Variants in EMP1 observed in about 807,000 individuals in gnomAD.
EMP1 encodes tumor-associated membrane protein.
Under a neutral mutation model 15.7 loss-of-function variants are expected in EMP1, and 5 were observed. That is an observed-to-expected ratio of 0.32 (90% CI 0.17 to 0.67). The LOEUF (loss-of-function observed/expected upper bound fraction) is 0.67, where lower values mean the gene tolerates loss of function less well. EMP1 is among the 30% of genes least tolerant of loss of function. The probability of loss-of-function intolerance (pLI) is 0.74; values close to 1 mark genes in which losing one functional copy is unlikely to be tolerated. For synonymous variants in EMP1, 78 were observed against 76.7 expected (o/e 1.02, Z -0.09); for missense variants, 166 against 194.2 (o/e 0.85, Z 0.86).
chr12:13,207,110 G>T (rs900737404), intron 1 of EMP1, among the ~76,000 whole-genome samples: 4 of 151,930 alleles, frequency 2.6e-5, no homozygotes, highest in Admixed American at 1.3e-4. Flanking sequence ...AATCCTCAGG[G>T]TTCTATTTTA....
chr12:13,204,135 T>C (rs1432891912), intron 1 of EMP1, among the ~76,000 whole-genome samples: 1 of 152,178 alleles, frequency 6.6e-6, no homozygotes, highest in Admixed American at 6.5e-5. Flanking sequence ...CCCTGTATTT[T>C]CCAACATCAA....
rs145258011 is a variant in EMP1 at position 13,218,903 on chromosome 12, T to G, written c.*4212T>G. The G allele has an allele frequency of 6.6e-6, 1 of 152,028 alleles. No homozygotes were observed. Among genetic ancestry groups the G allele is most frequent in the Non-Finnish European group, 1.5e-5 (1 of 67,972 alleles). The allele number at this position is 152,028 out of a possible 1,614,324, so 9.4% of individuals were successfully genotyped here. A position where few individuals can be genotyped will look rare whatever the true frequency, so the allele number is the denominator to read the frequency against. On this transcript the variant is annotated 3_prime_UTR_variant, in exon 5 of 5. Transcript: ENST00000256951. ...GTGGGATGTAGATGAGGTGGGAGCA[T>G]GAATGCCTAGGGAGGGAAGAAGAAA...
intron 1 of EMP1, among the ~76,000 whole-genome samples, chr12:13,197,681 G>T (rs1008671628): frequency 3.3e-5 from 5 of 152,086 alleles, no homozygotes; most frequent in African/African-American, 1.2e-4. Flanking sequence ...AGGCTGAGAC[G>T]GGAGAATTGC....
At chr12:13,203,716 G>A (rs1417988806) in intron 1 of EMP1, among the ~76,000 whole-genome samples, 1 of 152,268 alleles carries the variant, frequency 6.6e-6, no homozygotes, top group African/African-American at 2.4e-5. Flanking sequence ...ACAGGTCACA[G>A]TTCAGACATG....
chr12:13,197,282 C>T (rs888872559), intron 1 of EMP1, among the ~76,000 whole-genome samples: 3 of 152,144 alleles, frequency 2.0e-5, no homozygotes, highest in African/African-American at 4.8e-5. Context: ...GTTTTGATTC[C>T]GATTGCTTCA....
In EMP1 at chr12:13,214,592, A is replaced by G; in HGVS notation, c.375A>G (p.Gly125=). 6.2e-7 allele frequency: 1 copy of G among 1,613,994 alleles called. No individual in the cohort carries two copies. Among genetic ancestry groups the G allele is most frequent in the African/African-American group, 1.3e-5 (1 of 74,954 alleles). The change falls in exon 5 of 5, where the codon GGA becomes GGG. Residue 125 remains glycine (G), a synonymous_variant. Coordinates refer to ENST00000256951, the MANE Select transcript of EMP1 (RefSeq NM_001423.3). ...CTAGTCATTATGCGAATCGTGATGG[A>G]ACGCAGTATCACCACGGCTATTCCT... ...IYTSHYANRD[G]TQYHHGYSYI... is the part of the protein sequence containing the mutation.
Position 13,219,467 on chromosome 12 carries a change from A to G in EMP1, c.*4776A>G, listed in dbSNP as rs1202766467. On this transcript the variant is annotated 3_prime_UTR_variant, in exon 5 of 5. Coordinates refer to ENST00000256951, the MANE Select transcript of EMP1 (RefSeq NM_001423.3). Reference sequence around the variant, plus strand: ...TTCCTGTCTTCTTCTGAGCCCTCCAAACTCTTCCAACCTCTACCCGTTACC... The same window carrying G: ...TTCCTGTCTTCTTCTGAGCCCTCCAGACTCTTCCAACCTCTACCCGTTACC... 2 of 152,138 alleles carry G rather than the reference A, an allele frequency of 1.3e-5. No individual in the cohort carries two copies. The highest frequency in any genetic ancestry group is 2.9e-5 in the Non-Finnish European group (2 of 68,012). 9.4% of individuals were successfully genotyped at this position (152,138 alleles called of 1,614,324 possible).
intron 1 of EMP1, among the ~76,000 whole-genome samples, chr12:13,207,314 C>T (rs187820352): frequency 6.0e-4 from 92 of 152,208 alleles, no homozygotes; most frequent in Admixed American, 4.4e-3. Flanking sequence ...GGTTTCACCA[C>T]GTTAGCCAGG....
chr12:13,217,142 T>A lies in EMP1; in HGVS notation c.*2451T>A, dbSNP rs1864222383. On this transcript the variant is annotated 3_prime_UTR_variant, in exon 5 of 5. Coordinates refer to ENST00000256951, the MANE Select transcript of EMP1 (RefSeq NM_001423.3). ...ATGTGTCTTCAAAATATAAAGTGAT[T>A]CACAAAGGCATGCATCACACCTATT... is the stretch of plus-strand genomic sequence containing the variant. 6.6e-6 allele frequency: 1 copy of A among 152,246 alleles called. No individual in the cohort carries two copies. Among genetic ancestry groups the A allele is most frequent in the Non-Finnish European group, 1.5e-5 (1 of 68,066 alleles). The allele number at this position is 152,246 out of a possible 1,614,324, so 9.4% of individuals were successfully genotyped here. A position where few individuals can be genotyped will look rare whatever the true frequency, so the allele number is the denominator to read the frequency against.
Position 13,216,257 on chromosome 12 carries a change from C to T in EMP1, c.*1566C>T. On this transcript the variant is annotated 3_prime_UTR_variant, in exon 5 of 5. Transcript: ENST00000256951. ...CCTACTTTTCTTTATTAGCTTTCTC[C>T]TCATCCATTTCTTTTATACCTTTCC... 1.6e-6 allele frequency: 1 copy of T among 628,598 alleles called. No individual in the cohort carries two copies. The highest frequency in any genetic ancestry group is 2.6e-5 in the Admixed American group (1 of 38,472). 38.9% of individuals were successfully genotyped at this position (628,598 alleles called of 1,614,324 possible). A position where few individuals can be genotyped will look rare whatever the true frequency, so the allele number is the denominator to read the frequency against.
chr12:13,213,367 C>T, intron 2 of EMP1, 112 bp from the exon 3 acceptor site: 1 of 969,546 alleles, frequency 1.0e-6, no homozygotes, highest in South Asian at 1.5e-5. Flanking sequence ...ATAGTTATAG[C>T]TAAATAGAAT....
At chr12:13,199,029 G>A (rs1477624748) in intron 1 of EMP1, 1 of 152,310 alleles carries the variant, frequency 6.6e-6, no homozygotes, top group Non-Finnish European at 1.5e-5. Flanking sequence ...CGGGGGCGGG[G>A]GCTGCAGGAC....
chr12:13,206,318 C>A (rs572037280), intron 1 of EMP1, among the ~76,000 whole-genome samples: 2 of 152,346 alleles, frequency 1.3e-5, no homozygotes, highest in Non-Finnish European at 2.9e-5. Context: ...TCTCAGAAAG[C>A]TCTCTCGTGC....
chr12:13,203,109 G>A (rs1864080713), intron 1 of EMP1, among the ~76,000 whole-genome samples: 1 of 152,032 alleles, frequency 6.6e-6, no homozygotes, highest in South Asian at 2.1e-4. Flanking sequence ...TCCCCTCCCA[G>A]CTTGCCGCCT....
Position 13,216,794 on chromosome 12 carries a change from T to TA in EMP1, c.*2111dup, listed in dbSNP as rs985642989. The stretch of plus-strand genomic sequence containing the variant: ...CCTTCATTGTGTGAATGTTTTTTTC[T>TA]AAAAAAAATGTGGAGAAATATGGAT... On this transcript the variant is annotated 3_prime_UTR_variant, in exon 5 of 5. Coordinates refer to ENST00000256951, the MANE Select transcript of EMP1 (RefSeq NM_001423.3). The TA allele has an allele frequency of 7.8e-5, 17 of 217,426 alleles. No homozygotes were observed. Among genetic ancestry groups the TA allele is most frequent in the South Asian group, 2.9e-4 (2 of 6,828 alleles). 13.5% of individuals were successfully genotyped at this position (217,426 alleles called of 1,614,324 possible).
chr12:13,208,870 C>T (rs1864137525), intron 1 of EMP1, among the ~76,000 whole-genome samples: 1 of 152,146 alleles, frequency 6.6e-6, no homozygotes, highest in Non-Finnish European at 1.5e-5. Flanking sequence ...TCGCACACAC[C>T]ACCAGGGCTG....
At chr12:13,199,492 T>G (rs967270457) in intron 1 of EMP1, 9 of 152,216 alleles carry the variant, frequency 5.9e-5, no homozygotes, top group Non-Finnish European at 1.0e-4. Flanking sequence ...TGGAGCCTGG[T>G]GGGGCACATA....
At chr12:13,198,358 A>G (rs1396784675) in intron 1 of EMP1, among the ~76,000 whole-genome samples, 2 of 152,164 alleles carry the variant, frequency 1.3e-5, no homozygotes, top group African/African-American at 4.8e-5. Flanking sequence ...TTCCCCAAGT[A>G]AACAAGATGA....
At position 13,218,051 on chromosome 12, in the gene EMP1, G is replaced by T. The variant is rs531823157; in HGVS notation, c.*3360G>T. On this transcript the variant is annotated 3_prime_UTR_variant, in exon 5 of 5. Transcript: ENST00000256951. ...AAGTAAATACTCTTAGGTGAAATTTGTGCAAATTATGAGTATAAAGAGGGT... is the reference window on the plus strand; with the variant it reads ...AAGTAAATACTCTTAGGTGAAATTTTTGCAAATTATGAGTATAAAGAGGGT... 1.3e-5 allele frequency: 2 copies of T among 152,274 alleles called. No homozygotes were observed. The highest frequency in any genetic ancestry group is 3.9e-4 in the East Asian group (2 of 5,182). The allele number at this position is 152,274 out of a possible 1,614,324, so 9.4% of individuals were successfully genotyped here.
Sources: gnomAD v4.1 joint callset for allele counts (sites outside exome capture counted in the v4.1 genomes callset) on GRCh38, gnomAD v4.1.1 for gene constraint, MANE v1.5 for transcripts, NCBI Gene and HGNC (gene_info 2026-07-23, HGNC 2026-07-21) for gene names.